Variants in COX7B2 observed in about 807,000 individuals in gnomAD.
The protein encoded by COX7B2 is cytochrome c oxidase subunit 7B2, also known as cytochrome c oxidase subunit 7B2, mitochondrial.
For synonymous variants in COX7B2, 37 were observed against 32.1 expected (o/e 1.15, Z -0.51); for missense variants, 109 against 95.9 (o/e 1.14, Z -0.57).
At chr4:46,769,618 T>C (rs1326910192) in intron 2 of COX7B2, among the ~76,000 whole-genome samples, 3 of 152,020 alleles carry the variant, frequency 2.0e-5, no homozygotes, top group Non-Finnish European at 4.4e-5. Context: ...CTCAGAAGAC[T>C]GGCAGGAGAA....
chr4:46,864,211 C>T (rs1717503708), intron 1 of COX7B2, among the ~76,000 whole-genome samples: 1 of 152,234 alleles, frequency 6.6e-6, no homozygotes, highest in East Asian at 1.9e-4. Flanking sequence ...GTTAAGTATC[C>T]CCACTGCCAT....
intron 2 of COX7B2, among the ~76,000 whole-genome samples, chr4:46,797,249 A>T (rs1718412251): frequency 6.6e-6 from 1 of 152,004 alleles, no homozygotes; most frequent in Non-Finnish European, 1.5e-5. Flanking sequence ...TACACTGGGG[A>T]AAAGGTAAAA....
chr4:46,736,784 G>A (rs913185116), intron 2 of COX7B2, among the ~76,000 whole-genome samples: 3 of 151,756 alleles, frequency 2.0e-5, no homozygotes, highest in Non-Finnish European at 4.4e-5. Context: ...TTTGTGGCTC[G>A]AGAGTGCATT....
intron 2 of COX7B2, among the ~76,000 whole-genome samples, chr4:46,833,384 A>G (rs534865938): frequency 3.3e-5 from 5 of 152,250 alleles, no homozygotes; most frequent in Non-Finnish European, 7.3e-5. Flanking sequence ...GAATGAGAAA[A>G]GAGGTTAGAA....
At chr4:46,831,885 A>G (rs1715138307) in intron 2 of COX7B2, among the ~76,000 whole-genome samples, 1 of 152,184 alleles carries the variant, frequency 6.6e-6, no homozygotes, top group African/African-American at 2.4e-5. Flanking sequence ...TGAATACACC[A>G]ATGGGCACTC....
intron 2 of COX7B2, among the ~76,000 whole-genome samples, chr4:46,807,795 T>C (rs1004214450): frequency 6.6e-6 from 1 of 151,926 alleles, no homozygotes; most frequent in East Asian, 1.9e-4. Flanking sequence ...ATCTCCATTA[T>C]GTTGTCTTCA....
intron 2 of COX7B2, among the ~76,000 whole-genome samples, chr4:46,819,391 G>A (rs1313979751): frequency 3.3e-5 from 5 of 152,120 alleles, no homozygotes; most frequent in African/African-American, 1.2e-4. Context: ...AGGTAGGAAA[G>A]TCACTAAAAG....
chr4:46,831,074 G>A (rs1715052975), intron 2 of COX7B2, among the ~76,000 whole-genome samples: 1 of 152,186 alleles, frequency 6.6e-6, no homozygotes, highest in African/African-American at 2.4e-5. Context: ...GGCTGCACAA[G>A]GCTTGCAGGC....
rs1719450915 is a variant in COX7B2, at chr4:46,814,613, G to C, written c.-50+30347C>G. On this transcript the variant is annotated intron_variant, in intron 2 of 2. Coordinates refer to ENST00000355591, the MANE Select transcript of COX7B2 (RefSeq NM_130902.3). ...TTAAAAACATATATGTAAAGTAAGAGTTATATACCTCATACTAATGAACGA... is the reference window on the plus strand; with the variant it reads ...TTAAAAACATATATGTAAAGTAAGACTTATATACCTCATACTAATGAACGA... 2.6e-5 allele frequency among the ~76,000 whole-genome samples: 4 copies of C among 152,142 alleles called. No individual in the cohort carries two copies. In the South Asian group the frequency reaches 8.3e-4, roughly 31 times the overall value.
At position 46,742,464 on chromosome 4, in the gene COX7B2, A is replaced by G. The variant is rs574897808; in HGVS notation, c.-49-7223T>C. Among the ~76,000 whole-genome samples, 5 of 152,302 alleles carry G rather than the reference A, an allele frequency of 3.3e-5. 1 individual carries two copies. Among genetic ancestry groups the G allele is most frequent in the Non-Finnish European group, 7.4e-5 (5 of 68,004 alleles). On this transcript the variant is annotated intron_variant, in intron 2 of 2. Transcript: ENST00000355591. The stretch of plus-strand genomic sequence containing the variant: ...ACGGTGCAAAGTGTCCCCTTTCACA[A>G]TATATTCAAGTTTTCAGCCATTTCA...
At chr4:46,908,997 T>G (rs1389003048) in intron 1 of COX7B2, among the ~76,000 whole-genome samples, 163 bp downstream of exon 1, 1 of 151,290 alleles carries the variant, frequency 6.6e-6, no homozygotes, top group Non-Finnish European at 1.5e-5. Context: ...TGAGCCGAGA[T>G]GGCGTCACTG....
intron 1 of COX7B2, among the ~76,000 whole-genome samples, chr4:46,891,262 G>A (rs562905744): frequency 5.3e-5 from 8 of 152,184 alleles, no homozygotes; most frequent in Non-Finnish European, 1.2e-4. Flanking sequence ...TGAGTCTGAT[G>A]TCCAAGGGAA....
At chr4:46,798,535 G>C (rs1468173846) in intron 2 of COX7B2, among the ~76,000 whole-genome samples, 3 of 152,158 alleles carry the variant, frequency 2.0e-5, no homozygotes, top group Non-Finnish European at 4.4e-5. Context: ...AACCCATGTG[G>C]GTGAATCGCA....
intron 2 of COX7B2, among the ~76,000 whole-genome samples, chr4:46,818,434 C>A (rs1714006147): frequency 6.6e-6 from 1 of 151,950 alleles, no homozygotes; most frequent in African/African-American, 2.4e-5. Context: ...GAGATCGCGA[C>A]CATCCTGGCT....
At chr4:46,820,948 A>G (rs1181014183) in intron 2 of COX7B2, among the ~76,000 whole-genome samples, 1 of 152,054 alleles carries the variant, frequency 6.6e-6, no homozygotes, top group Non-Finnish European at 1.5e-5. Flanking sequence ...ATAGCCCATG[A>G]CAGAAAGTCA....
intron 2 of COX7B2, among the ~76,000 whole-genome samples, chr4:46,842,567 A>G (rs1264737551): frequency 2.0e-5 from 3 of 151,600 alleles, no homozygotes; most frequent in Non-Finnish European, 4.4e-5. Flanking sequence ...CCACCCCACA[A>G]CAGTCCCCGG....
intron 1 of COX7B2, among the ~76,000 whole-genome samples, chr4:46,882,753 A>G (rs998284066): frequency 6.6e-6 from 1 of 152,258 alleles, no homozygotes; most frequent in African/African-American, 2.4e-5. Flanking sequence ...TAACAACTAC[A>G]TATTTCTAAA....
intron 2 of COX7B2, among the ~76,000 whole-genome samples, chr4:46,839,272 C>T (rs1715761305): frequency 6.6e-6 from 1 of 151,920 alleles, no homozygotes; most frequent in South Asian, 2.1e-4. Flanking sequence ...TAATTCTTGC[C>T]TTTCAACCAC....
chr4:46,838,347 C>T (rs890695662), intron 2 of COX7B2, among the ~76,000 whole-genome samples: 20 of 152,048 alleles, frequency 1.3e-4, no homozygotes, highest in African/African-American at 4.6e-4. Context: ...TTCTATACAA[C>T]ATGCAAACAT....
Sources: allele counts gnomAD v4.1 joint callset (sites outside exome capture counted in the v4.1 genomes callset), GRCh38; gene constraint gnomAD v4.1.1; transcripts MANE v1.5; gene names NCBI Gene and HGNC (gene_info 2026-07-23, HGNC 2026-07-21).